Variants in ANKRD30B observed in about 807,000 individuals in gnomAD.
ANKRD30B encodes ankyrin repeat domain-containing protein 30B.
A neutral mutation model predicts 202.2 loss-of-function variants in ANKRD30B; 144 were observed. The observed-to-expected ratio is 0.71, with a 90% CI of 0.62 to 0.82. The LOEUF is 0.82. Ranked by LOEUF, ANKRD30B falls within the 40% of genes least tolerant of loss-of-function variation. The probability of loss-of-function intolerance (pLI) is 0.00; values close to 1 mark genes in which losing one functional copy is unlikely to be tolerated. For synonymous variants in ANKRD30B, 508 were observed against 561.3 expected (o/e 0.91, Z 1.34); for missense variants, 1,487 against 1,669.1 (o/e 0.89, Z 1.90).
At chr18:14,755,772 A>T (rs551540642) in intron 4 of ANKRD30B, among the ~76,000 whole-genome samples, 135 of 152,230 alleles carry the variant, frequency 8.9e-4, no homozygotes, top group African/African-American at 3.2e-3. Flanking sequence ...CATGGTGTAT[A>T]TGTGCCACAT....
chr18:14,759,175 A>C (rs1336997246), intron 5 of ANKRD30B: 8 of 152,190 alleles, frequency 5.3e-5, no homozygotes, highest in Admixed American at 3.9e-4. Context: ...TTCACATATA[A>C]AAGTAGGGAT....
chr18:14,827,687 C>T (rs1216137711), intron 32 of ANKRD30B, among the ~76,000 whole-genome samples: 2 of 152,134 alleles, frequency 1.3e-5, no homozygotes, highest in Admixed American at 6.5e-5. Flanking sequence ...ATACTCTGTT[C>T]TAACTGCTTC....
At chr18:14,862,022 T>G in the ANKRD30B span, among the ~76,000 whole-genome samples, 3 of 152,178 alleles carry the variant, frequency 2.0e-5, no homozygotes, top group African/African-American at 7.2e-5. Flanking sequence ...AACAATCTGC[T>G]CCTGAAAGAC....
chr18:14,908,418 C>T, the ANKRD30B span, among the ~76,000 whole-genome samples: 1 of 152,124 alleles, frequency 6.6e-6, no homozygotes, highest in African/African-American at 2.4e-5. Flanking sequence ...TATTTGGCTT[C>T]CTTCACCTCT....
the ANKRD30B span, among the ~76,000 whole-genome samples, chr18:14,906,915 G>C: frequency 6.7e-6 from 1 of 148,338 alleles, no homozygotes; most frequent in African/African-American, 2.5e-5. Context: ...GAGGGTGGGG[G>C]GTTGGGTGGC....
chr18:14,910,460 A>C, the ANKRD30B span, among the ~76,000 whole-genome samples: 2 of 150,404 alleles, frequency 1.3e-5, no homozygotes, highest in African/African-American at 4.9e-5. Context: ...TATATGTGTG[A>C]TACATATATA....
At chr18:14,865,387 T>C in the ANKRD30B span, among the ~76,000 whole-genome samples, 1,580 of 125,754 alleles carry the variant, frequency 0.013, no homozygotes, top group Admixed American at 0.029. Flanking sequence ...GTCACCCTTT[T>C]CCCCCCTCCA....
chr18:14,834,011 C>G (rs1971069499), intron 34 of ANKRD30B, among the ~76,000 whole-genome samples: 1 of 152,086 alleles, frequency 6.6e-6, no homozygotes, highest in Admixed American at 6.5e-5. Context: ...TCAATCATTG[C>G]CCCCCGCATG....
At chr18:14,931,342 C>T in the ANKRD30B span, among the ~76,000 whole-genome samples, 10 of 152,292 alleles carry the variant, frequency 6.6e-5, no homozygotes, top group Middle Eastern at 3.4e-3. Flanking sequence ...AGAACAAGGA[C>T]GAGTATTTTG....
the ANKRD30B span, among the ~76,000 whole-genome samples, chr18:14,923,430 G>A: frequency 6.6e-6 from 1 of 152,166 alleles, no homozygotes; most frequent in East Asian, 1.9e-4. Flanking sequence ...TGTGGAAAGA[G>A]GAGAGAAGAG....
At chr18:14,925,920 A>G in the ANKRD30B span, among the ~76,000 whole-genome samples, 1 of 152,350 alleles carries the variant, frequency 6.6e-6, no homozygotes, top group African/African-American at 2.4e-5. Context: ...CAGCTGCCAC[A>G]GAGGGGGCGT....
At chr18:14,784,685 T>C in intron 14 of ANKRD30B, 150 bp downstream of exon 14, 1 of 907,750 alleles carries the variant, frequency 1.1e-6, no homozygotes, top group Non-Finnish European at 1.5e-6. Flanking sequence ...TTTGAAAACC[T>C]GATATTACAA....
intron 36 of ANKRD30B, 64 bp from the exon 37 acceptor site, chr18:14,840,524 C>G (rs1568066443): frequency 1.1e-6 from 1 of 890,210 alleles, no homozygotes; most frequent in South Asian, 3.4e-5. Flanking sequence ...GAGGCTTCAT[C>G]TCAGAAAAAC....
chr18:14,832,013 C>T (rs1970969415), intron 34 of ANKRD30B, among the ~76,000 whole-genome samples: 2 of 152,084 alleles, frequency 1.3e-5, no homozygotes, highest in South Asian at 2.1e-4. Flanking sequence ...TAGGAGAGAG[C>T]TTTTTATCAG....
Position 14,769,326 on chromosome 18 carries a change from C to CT in ANKRD30B, c.1226-10dup, listed in dbSNP as rs537913324. 1.1e-4 allele frequency: 172 copies of CT among 1,525,110 alleles called. No homozygotes were observed. The African/African-American group carries it at 2.0e-3, about 18-fold the overall frequency. The allele number at this position is 1,525,110 out of a possible 1,614,324, so 94.5% of individuals were successfully genotyped here. On this transcript the variant is annotated splice_polypyrimidine_tract_variant and intron_variant, in intron 7 of 43. Transcript: ENST00000690538. ...ATATTTGTTAATTTAATGTATTTTA[C>CT]TTTTTTTCTTTAATAGTGGATGTGA...
At chr18:14,823,333 T>G (rs987321136) in intron 32 of ANKRD30B, among the ~76,000 whole-genome samples, 1 of 113,592 alleles carries the variant, frequency 8.8e-6, no homozygotes, top group Non-Finnish European at 1.8e-5. Flanking sequence ...GCAGGTGAAT[T>G]TTGACACTGT....
intron 7 of ANKRD30B, among the ~76,000 whole-genome samples, chr18:14,766,678 G>A (rs1410544754): frequency 1.3e-5 from 2 of 151,858 alleles, no homozygotes; most frequent in Non-Finnish European, 2.9e-5. Flanking sequence ...TGGAGATGTA[G>A]GCTTAGAATA....
At chr18:14,889,509 A>G in the ANKRD30B span, among the ~76,000 whole-genome samples, 1 of 152,092 alleles carries the variant, frequency 6.6e-6, no homozygotes, top group Non-Finnish European at 1.5e-5. Flanking sequence ...GAACTGTTAC[A>G]TATTTTGCAT....
the ANKRD30B span, among the ~76,000 whole-genome samples, chr18:14,880,720 C>T: frequency 5.1e-4 from 77 of 152,104 alleles, no homozygotes; most frequent in East Asian, 6.4e-3. Context: ...CATGCACCAC[C>T]GTGCTTGGCT....
Sources: allele counts gnomAD v4.1 joint callset (sites outside exome capture counted in the v4.1 genomes callset), GRCh38; gene constraint gnomAD v4.1.1; transcripts MANE v1.5; gene names NCBI Gene and HGNC (gene_info 2026-07-23, HGNC 2026-07-21).